The following THADA variants were observed in gnomAD, a reference collection of about 807,000 sequenced individuals.
The protein encoded by THADA is THADA armadillo repeat containing.
In THADA, 213 loss-of-function variants were observed where a neutral mutation model predicts 219.8. The ratio of observed to expected loss-of-function variants is 0.97; its 90% CI spans 0.87 to 1.09. THADA has a LOEUF of 1.09. Ranked by LOEUF, THADA falls within the 50% of genes least tolerant of loss-of-function variation. THADA has a pLI of 0.00. For synonymous variants in THADA, 1,018 were observed against 828.9 expected (o/e 1.23, Z -3.92); for missense variants, 2,956 against 2,311.3 (o/e 1.28, Z -5.72).
chr2:43,348,618 TGA>T (rs564696412), intron 29 of THADA, among the ~76,000 whole-genome samples: 90 of 152,182 alleles, frequency 5.9e-4, no homozygotes, highest in African/African-American at 2.1e-3. Flanking sequence ...AGGATACATC[TGA>T]GAGAGCTTCT....
At chr2:43,362,606 A>G (rs879893781) in intron 29 of THADA, among the ~76,000 whole-genome samples, 4 of 152,164 alleles carry the variant, frequency 2.6e-5, no homozygotes, top group Non-Finnish European at 5.9e-5. Flanking sequence ...GTGAGTGGTG[A>G]GTGAATGTGA....
At chr2:43,517,490 G>C (rs1204546637) in intron 22 of THADA, among the ~76,000 whole-genome samples, 1 of 152,028 alleles carries the variant, frequency 6.6e-6, no homozygotes, top group African/African-American at 2.4e-5. Flanking sequence ...AGCACAAGAA[G>C]GAAGAAAATC....
Position 43,478,253 on chromosome 2 carries a change from T to A in THADA, c.3836+6981A>T, listed in dbSNP as rs150719304. ...AACAATAGCTGGAAATTCCTGAGATTTCCAAACTGTACATTACTCAAATCA... is the reference window on the plus strand; with the variant it reads ...AACAATAGCTGGAAATTCCTGAGATATCCAAACTGTACATTACTCAAATCA... On this transcript the variant is annotated intron_variant, in intron 26 of 37. Transcript: ENST00000405975. 3.9e-5 allele frequency among the ~76,000 whole-genome samples: 6 copies of A among 152,294 alleles called. No individual in the cohort carries two copies. The East Asian group carries it at 1.2e-3, about 29-fold the overall frequency.
intron 36 of THADA, among the ~76,000 whole-genome samples, chr2:43,275,599 T>C (rs1485138848): frequency 2.0e-5 from 3 of 151,596 alleles, no homozygotes; most frequent in Non-Finnish European, 4.4e-5. Context: ...GGTCTAACTC[T>C]CTGCAGTATT....
chr2:43,587,622 T>C (rs560940352), intron 4 of THADA, among the ~76,000 whole-genome samples: 1 of 152,222 alleles, frequency 6.6e-6, no homozygotes, highest in Non-Finnish European at 1.5e-5. Flanking sequence ...AGCAAAGCTA[T>C]ATGAAGTGAC....
chr2:43,339,747 C>A (rs539204835), intron 30 of THADA, among the ~76,000 whole-genome samples: 8 of 152,252 alleles, frequency 5.3e-5, no homozygotes, highest in Non-Finnish European at 8.8e-5. Context: ...AATTACAACT[C>A]TTAGCCAAAG....
chr2:43,530,792 A>G (rs1014113187), intron 21 of THADA, among the ~76,000 whole-genome samples: 2 of 152,236 alleles, frequency 1.3e-5, no homozygotes, highest in African/African-American at 4.8e-5. Flanking sequence ...AAAGCATATA[A>G]TAAAAATCAA....
chr2:43,564,861 T>C (rs1698482911), intron 15 of THADA: 1 of 152,112 alleles, frequency 6.6e-6, no homozygotes, highest in South Asian at 2.1e-4. Flanking sequence ...TCTTCCAAAA[T>C]GTTAATATCA....
chr2:43,363,282 A>G (rs530024519), intron 29 of THADA, among the ~76,000 whole-genome samples: 17 of 152,388 alleles, frequency 1.1e-4, no homozygotes, highest in Non-Finnish European at 1.9e-4. Flanking sequence ...TTACACCAGC[A>G]TCACCACAAA....
intron 29 of THADA, chr2:43,370,288 C>A (rs1558652524): frequency 6.6e-6 from 1 of 152,242 alleles, no homozygotes; most frequent in Non-Finnish European, 1.5e-5. Context: ...ATAATAGAGT[C>A]AACTTCCTTT....
intron 8 of THADA, among the ~76,000 whole-genome samples, chr2:43,579,012 A>G (rs1700138150): frequency 6.6e-6 from 1 of 152,136 alleles, no homozygotes; most frequent in Admixed American, 6.5e-5. Context: ...TTGTATCTTT[A>G]GTAGAGATGG....
chr2:43,301,999 C>A (rs1676317788), intron 31 of THADA, among the ~76,000 whole-genome samples: 1 of 152,112 alleles, frequency 6.6e-6, no homozygotes, highest in South Asian at 2.1e-4. Context: ...AGTTTAGCAG[C>A]CTTCTTCTTT....
intron 36 of THADA, among the ~76,000 whole-genome samples, chr2:43,240,847 T>G (rs1668545348): frequency 6.6e-6 from 1 of 152,152 alleles, no homozygotes; most frequent in Admixed American, 6.5e-5. Flanking sequence ...TTTAAAAAAT[T>G]TCATCAAAGA....
intron 36 of THADA, among the ~76,000 whole-genome samples, chr2:43,253,214 C>T (rs570341697): frequency 2.0e-5 from 3 of 152,164 alleles, no homozygotes; most frequent in Non-Finnish European, 2.9e-5. Flanking sequence ...AGAAGGAGAA[C>T]CTGAAGACGC....
chr2:43,256,047 T>G (rs943438034), intron 36 of THADA, among the ~76,000 whole-genome samples: 15 of 152,210 alleles, frequency 9.9e-5, no homozygotes, highest in African/African-American at 3.6e-4. Context: ...AAGGGGCACA[T>G]AACTATTCTT....
chr2:43,505,817 T>C (rs1689601581), intron 23 of THADA, 82 bp from the exon 24 acceptor site: 3 of 979,346 alleles, frequency 3.1e-6, no homozygotes, highest in Non-Finnish European at 4.6e-6. Context: ...AATCCCAAAA[T>C]GCAAAATCCC....
At chr2:43,469,098 C>A (rs1222124716) in intron 26 of THADA, among the ~76,000 whole-genome samples, 1 of 151,998 alleles carries the variant, frequency 6.6e-6, no homozygotes, top group Non-Finnish European at 1.5e-5. Flanking sequence ...GGAAAATTTC[C>A]AAGAGGAAAA....
At chr2:43,282,756 A>T (rs1284366579) in intron 35 of THADA, among the ~76,000 whole-genome samples, 2 of 152,176 alleles carry the variant, frequency 1.3e-5, no homozygotes, top group Non-Finnish European at 2.9e-5. Flanking sequence ...TAAAAAAAGA[A>T]CTATGCTTTT....
chr2:43,496,203 C>A lies in THADA; in HGVS notation c.3744+2630G>T, dbSNP rs534749123. ...TCTTCTCCCTTTGCCAGACTTTTTA[C>A]TTTAAGCCACATTTCAAGCATCTAT... is the stretch of plus-strand genomic sequence containing the variant. On this transcript the variant is annotated intron_variant, in intron 25 of 37. Transcript: ENST00000405975. 2.6e-5 allele frequency among the ~76,000 whole-genome samples: 4 copies of A among 152,264 alleles called. No homozygotes were observed. In the East Asian group the frequency reaches 7.7e-4, roughly 29 times the overall value.
Sources: allele counts gnomAD v4.1 joint callset (sites outside exome capture counted in the v4.1 genomes callset), GRCh38; gene constraint gnomAD v4.1.1; transcripts MANE v1.5; gene names NCBI Gene and HGNC (gene_info 2026-07-23, HGNC 2026-07-21).